DPP10: variants seen among roughly 807,000 people sequenced by gnomAD.
DPP10 encodes dipeptidyl peptidase like 10, also known as inactive dipeptidyl peptidase 10.
A neutral mutation model predicts 120.9 loss-of-function variants in DPP10; 33 were observed. That is an observed-to-expected ratio of 0.27 (90% CI 0.21 to 0.37). The LOEUF (loss-of-function observed/expected upper bound fraction) is 0.37, where lower values mean the gene tolerates loss of function less well. Ranked by LOEUF, DPP10 falls within the 10% of genes least tolerant of loss-of-function variation. DPP10 has a pLI of 1.00. For missense variants in DPP10, 816 were observed against 942.8 expected (o/e 0.87, Z 1.76); for synonymous variants, 337 against 326.1 (o/e 1.03, Z -0.36).
chr2:115,812,203 G>T (rs1686720410), intron 19 of DPP10, among the ~76,000 whole-genome samples: 1 of 152,130 alleles, frequency 6.6e-6, no homozygotes, highest in Admixed American at 6.6e-5. Flanking sequence ...GTATTCAAAG[G>T]TGAAGTTAAT....
intron 1 of DPP10, among the ~76,000 whole-genome samples, chr2:114,960,440 C>CA (rs1416866384): frequency 1.3e-5 from 2 of 149,864 alleles, no homozygotes; most frequent in Admixed American, 6.7e-5. Flanking sequence ...GCTGGAAAAC[C>CA]AAAAAATTGG....
intron 1 of DPP10, among the ~76,000 whole-genome samples, chr2:114,730,144 ATGCTGGAGGTGAGAAGTCAAT>A: frequency 6.6e-6 from 1 of 152,166 alleles, no homozygotes; most frequent in Non-Finnish European, 1.5e-5. Flanking sequence ...GAAAAAAAAA[ATGCTGGAGGTGAGAAGTCAAT>A]TACACTTAAA....
intron 1 of DPP10, among the ~76,000 whole-genome samples, chr2:114,811,636 C>A (rs969495780): frequency 6.6e-6 from 1 of 151,928 alleles, no homozygotes; most frequent in African/African-American, 2.4e-5. Flanking sequence ...ACCCTCACCC[C>A]TCATGTCACC....
intron 8 of DPP10, 85 bp downstream of exon 8, chr2:115,728,021 G>C: frequency 6.9e-7 from 1 of 1,447,162 alleles, no homozygotes; most frequent in Non-Finnish European, 9.3e-7. Context: ...TCATTCCGGA[G>C]CAATACTTAC....
intron 1 of DPP10, among the ~76,000 whole-genome samples, chr2:115,189,125 A>G (rs1312220680): frequency 3.3e-5 from 5 of 152,346 alleles, no homozygotes; most frequent in East Asian, 1.9e-4. Context: ...TTTTACTTCT[A>G]TAGAAGGGTG....
intron 1 of DPP10, among the ~76,000 whole-genome samples, chr2:115,205,262 T>A (rs554080434): frequency 6.6e-6 from 1 of 152,322 alleles, no homozygotes; most frequent in African/African-American, 2.4e-5. Flanking sequence ...TTGGGTTAAC[T>A]TTTGTATATG....
intron 1 of DPP10, among the ~76,000 whole-genome samples, chr2:114,636,680 G>T (rs948261264): frequency 1.8e-4 from 28 of 151,924 alleles, no homozygotes; most frequent in Non-Finnish European, 3.7e-4. Flanking sequence ...AAGAAAGGTG[G>T]CTCTGTTTCT....
At position 114,467,231 on chromosome 2, in the gene DPP10, A is replaced by G. The variant is rs370595261; in HGVS notation, c.60+24393A>G. On this transcript the variant is annotated intron_variant, in intron 1 of 25. Transcript: ENST00000410059. ...GGATATGGTTTTAACATATTATTCA[A>G]AATAGGAATTGCAAACTCAATTGCT... Among the ~76,000 whole-genome samples the G allele has an allele frequency of 4.4e-4, 67 of 152,292 alleles. No homozygotes were observed. In the East Asian group the frequency reaches 0.01, roughly 23 times the overall value.
chr2:115,679,859 G>T (rs966624675), intron 5 of DPP10, among the ~76,000 whole-genome samples: 9 of 151,910 alleles, frequency 5.9e-5, no homozygotes, highest in African/African-American at 9.7e-5. Flanking sequence ...AGTAAGAGAA[G>T]ATAGAAAGAG....
intron 5 of DPP10, among the ~76,000 whole-genome samples, chr2:115,650,601 C>A (rs1338577891): frequency 1.3e-5 from 2 of 151,992 alleles, no homozygotes; most frequent in African/African-American, 4.8e-5. Context: ...CTAAGAAAGA[C>A]TGTTATTGTT....
At position 114,670,914 on chromosome 2, in the gene DPP10, A is replaced by G. The variant is rs530912791; in HGVS notation, c.60+228076A>G. 1.1e-4 allele frequency among the ~76,000 whole-genome samples: 16 copies of G among 152,294 alleles called. No individual in the cohort carries two copies. In the East Asian group the frequency reaches 2.9e-3, roughly 28 times the overall value. ...TGATGATGGTGTGATTATAATAATT[A>G]TCACACATATCATAGGTAGTTACTA... On this transcript the variant is annotated intron_variant, in intron 1 of 25. Transcript: ENST00000410059.
At chr2:114,829,857 A>T (rs1422531966) in intron 1 of DPP10, among the ~76,000 whole-genome samples, 1 of 152,154 alleles carries the variant, frequency 6.6e-6, no homozygotes, top group Non-Finnish European at 1.5e-5. Context: ...GCGTTTCCTT[A>T]AAAGAACACC....
At chr2:115,733,579 T>C (rs1164303077) in intron 8 of DPP10, among the ~76,000 whole-genome samples, 1 of 104,112 alleles carries the variant, frequency 9.6e-6, no homozygotes, top group African/African-American at 3.2e-5. Context: ...GACAGTGAAA[T>C]GCAGAAAATT....
chr2:115,784,153 CA>C (rs755565697), intron 17 of DPP10, among the ~76,000 whole-genome samples: 2 of 151,752 alleles, frequency 1.3e-5, no homozygotes, highest in African/African-American at 2.4e-5. Context: ...TCAACAAAAA[CA>C]AAAAAAGGCT....
chr2:115,601,737 G>A (rs375941292), intron 5 of DPP10, among the ~76,000 whole-genome samples: 2 of 152,096 alleles, frequency 1.3e-5, no homozygotes, highest in African/African-American at 2.4e-5. Context: ...GCAGTGGCAC[G>A]ACCTCAGCTC....
chr2:114,518,462 GT>G (rs1684788258), intron 1 of DPP10, among the ~76,000 whole-genome samples: 1 of 152,170 alleles, frequency 6.6e-6, no homozygotes. Flanking sequence ...CTCTGCTTAT[GT>G]TTTCCCTTCT....
intron 1 of DPP10, among the ~76,000 whole-genome samples, chr2:115,215,652 C>A (rs912078041): frequency 6.6e-6 from 1 of 151,934 alleles, no homozygotes; most frequent in East Asian, 1.9e-4. Flanking sequence ...ACATATACAT[C>A]ATTGGTGGGA....
chr2:115,282,515 C>G (rs923774992), intron 1 of DPP10, among the ~76,000 whole-genome samples: 1 of 152,052 alleles, frequency 6.6e-6, no homozygotes, highest in Non-Finnish European at 1.5e-5. Context: ...ACATTTTATA[C>G]TTATAATGTC....
intron 1 of DPP10, among the ~76,000 whole-genome samples, chr2:115,148,770 G>T (rs182795444): frequency 6.6e-6 from 1 of 152,094 alleles, no homozygotes; most frequent in African/African-American, 2.4e-5. Flanking sequence ...CATCTTAACC[G>T]CTACGCATGT....
Sources: gnomAD v4.1 joint callset for allele counts (sites outside exome capture counted in the v4.1 genomes callset) on GRCh38, gnomAD v4.1.1 for gene constraint, MANE v1.5 for transcripts, NCBI Gene and HGNC (gene_info 2026-07-23, HGNC 2026-07-21) for gene names.